Variants in ERC2 observed in about 807,000 individuals in gnomAD.
The protein encoded by ERC2 is ELKS/RAB6-interacting/CAST family member 2.
ERC2 carries 42 observed loss-of-function variants against 114.8 expected under a neutral mutation model. The observed-to-expected ratio is 0.37, with a 90% CI of 0.29 to 0.47. The LOEUF (loss-of-function observed/expected upper bound fraction) is 0.47. ERC2 is among the 20% of genes least tolerant of loss of function. The pLI is 0.99. For synonymous variants in ERC2, 454 were observed against 425.5 expected (o/e 1.07, Z -0.82); for missense variants, 939 against 1,150.7 (o/e 0.82, Z 2.66).
intron 7 of ERC2, among the ~76,000 whole-genome samples, chr3:56,063,002 G>T (rs560817226): frequency 5.3e-5 from 8 of 152,156 alleles, no homozygotes; most frequent in Non-Finnish European, 1.0e-4. Context: ...TAAACAACAA[G>T]GTTACTCTCA....
intron 2 of ERC2, among the ~76,000 whole-genome samples, chr3:56,404,802 C>T (rs1576792104): frequency 6.6e-6 from 1 of 151,374 alleles, no homozygotes; most frequent in Admixed American, 6.6e-5. Context: ...AGTTTTCACA[C>T]AAATAATTAT....
chr3:55,864,002 G>A (rs907600578), intron 14 of ERC2, among the ~76,000 whole-genome samples: 1 of 150,160 alleles, frequency 6.7e-6, no homozygotes, highest in Non-Finnish European at 1.5e-5. Context: ...CAGCATAAAG[G>A]TTGTCATTAT....
intron 17 of ERC2, among the ~76,000 whole-genome samples, chr3:55,676,977 C>T (rs2061843259): frequency 6.6e-6 from 1 of 152,118 alleles, no homozygotes; most frequent in Non-Finnish European, 1.5e-5. Context: ...GCCAGGTAAC[C>T]CTTATGAGCT....
chr3:56,273,628 C>G (rs545008103), intron 3 of ERC2, among the ~76,000 whole-genome samples: 1 of 152,062 alleles, frequency 6.6e-6, no homozygotes, highest in South Asian at 2.1e-4. Flanking sequence ...TGGCTCTCAG[C>G]CATATTTTTT....
At position 56,159,676 on chromosome 3, in the gene ERC2, G is replaced by A. The variant is rs140504129; in HGVS notation, c.1150-10544C>T. On this transcript the variant is annotated intron_variant, in intron 4 of 17. Coordinates refer to ENST00000288221, the MANE Select transcript of ERC2 (RefSeq NM_015576.3). ...CCCCTTGCCTCCTTCCTCCCTAGTA[G>A]TCCCCAGTTTCTATTGTTGCCATCT... Among the ~76,000 whole-genome samples, 316 of 152,222 alleles carry A rather than the reference G, an allele frequency of 2.1e-3. 1 individual carries two copies. The highest frequency in any genetic ancestry group is 7.3e-3 in the African/African-American group (303 of 41,526).
chr3:55,955,074 A>T (rs1244017236), intron 12 of ERC2: 5 of 473,166 alleles, frequency 1.1e-5, no homozygotes, highest in Non-Finnish European at 2.1e-5. Context: ...ATATAGTCTG[A>T]TCTTATTTAT....
chr3:56,221,581 C>T (rs2049914612), intron 3 of ERC2, among the ~76,000 whole-genome samples: 1 of 152,148 alleles, frequency 6.6e-6, no homozygotes, highest in Non-Finnish European at 1.5e-5. Context: ...CTACCTACCT[C>T]CATGTAAACA....
At chr3:55,892,515 C>A (rs2063659847) in intron 13 of ERC2, among the ~76,000 whole-genome samples, 1 of 151,782 alleles carries the variant, frequency 6.6e-6, no homozygotes, top group Non-Finnish European at 1.5e-5. Flanking sequence ...AGAGTGAGAC[C>A]CTGTCTCAAA....
At chr3:56,018,627 A>G (rs1037381226) in intron 8 of ERC2, among the ~76,000 whole-genome samples, 1 of 152,286 alleles carries the variant, frequency 6.6e-6, no homozygotes, top group East Asian at 1.9e-4. Context: ...TTCAAATTAT[A>G]TCATCGTAAG....
chr3:56,069,548 C>T (rs1403027583), intron 7 of ERC2, among the ~76,000 whole-genome samples: 1 of 152,138 alleles, frequency 6.6e-6, no homozygotes, highest in African/African-American at 2.4e-5. Context: ...TCTCTGGAGG[C>T]TCTAGGGAAA....
chr3:55,788,496 T>A (rs1252185184), intron 14 of ERC2, among the ~76,000 whole-genome samples: 2 of 152,204 alleles, frequency 1.3e-5, no homozygotes, highest in Non-Finnish European at 2.9e-5. Context: ...GTCCTGTGAA[T>A]CTTCCCTTGA....
chr3:55,677,769 A>T (rs13325908), intron 17 of ERC2, among the ~76,000 whole-genome samples: 1,919 of 151,830 alleles, frequency 0.013, 48 homozygotes, highest in African/African-American at 0.044. Flanking sequence ...ATAAATAAAT[A>T]CTCTCTTTGT....
At chr3:56,298,184 T>C (rs1399882632) in intron 2 of ERC2, among the ~76,000 whole-genome samples, 2 of 152,170 alleles carry the variant, frequency 1.3e-5, no homozygotes, top group Non-Finnish European at 2.9e-5. Context: ...CCCATCTCCC[T>C]CCCTTTCCCC....
At chr3:56,081,425 G>A (rs1308232585) in intron 6 of ERC2, among the ~76,000 whole-genome samples, 1 of 152,084 alleles carries the variant, frequency 6.6e-6, no homozygotes, top group Admixed American at 6.6e-5. Context: ...GAACAAGATT[G>A]ACATGTAGAG....
chr3:56,377,658 T>C (rs1421699518), intron 2 of ERC2, among the ~76,000 whole-genome samples: 2 of 152,156 alleles, frequency 1.3e-5, no homozygotes, highest in African/African-American at 2.4e-5. Flanking sequence ...GGAGATCATA[T>C]CGTATTAAAA....
intron 1 of ERC2, among the ~76,000 whole-genome samples, chr3:56,449,474 G>A (rs1020670961): frequency 6.6e-6 from 1 of 152,150 alleles, no homozygotes; most frequent in Non-Finnish European, 1.5e-5. Context: ...ATAATTGAAA[G>A]GATGATGCTG....
chr3:55,508,463 A>G lies in ERC2; in HGVS notation c.*2853T>C, dbSNP rs949987333. ...TACAATGACTGGCTAATACATGCCC[A>G]CTGGTAGTTTCCAGGGTTCCTTAGT... On this transcript the variant is annotated 3_prime_UTR_variant, in exon 18 of 18. Transcript: ENST00000288221. The G allele has an allele frequency of 6.6e-6, 1 of 152,636 alleles. No individual in the cohort carries two copies. The highest frequency in any genetic ancestry group is 2.1e-4 in the South Asian group (1 of 4,834). 9.5% of individuals were successfully genotyped at this position (152,636 alleles called of 1,614,324 possible). A position where few individuals can be genotyped will look rare whatever the true frequency, so the allele number is the denominator to read the frequency against.
intron 10 of ERC2, among the ~76,000 whole-genome samples, chr3:55,994,646 C>CCAAAA (rs1559990837): frequency 9.9e-5 from 2 of 20,146 alleles, no homozygotes; most frequent in African/African-American, 1.5e-4. Flanking sequence ...TACATACTCC[C>CCAAAA]TAAAAAAAAA....
chr3:56,258,380 G>A (rs1320835709), intron 3 of ERC2, among the ~76,000 whole-genome samples: 1 of 152,194 alleles, frequency 6.6e-6, no homozygotes, highest in African/African-American at 2.4e-5. Context: ...TGTACTGGCC[G>A]GGCGCGGTGG....
Sources: gnomAD v4.1 joint callset for allele counts (sites outside exome capture counted in the v4.1 genomes callset) on GRCh38, gnomAD v4.1.1 for gene constraint, MANE v1.5 for transcripts, NCBI Gene and HGNC (gene_info 2026-07-23, HGNC 2026-07-21) for gene names.